GBP1: variants seen among roughly 807,000 people sequenced by gnomAD.
GBP1 encodes guanylate binding protein 1, also known as guanylate-binding protein 1.
Under a neutral mutation model 69.5 loss-of-function variants are expected in GBP1, and 64 were observed. That is an observed-to-expected ratio of 0.92 (90% CI 0.75 to 1.13). The LOEUF (loss-of-function observed/expected upper bound fraction) is 1.13, where lower values mean the gene tolerates loss of function less well. Among genes scored for constraint, GBP1 ranks in the 50% most tolerant of loss-of-function variants. The pLI, the probability that GBP1 is intolerant of heterozygous loss-of-function variation, is 0.00. For missense variants in GBP1, 630 were observed against 704.1 expected, an observed-to-expected ratio of 0.89 and a Z score of 1.19; for synonymous variants, 250 against 261.2, an observed-to-expected ratio of 0.96 and a Z score of 0.41.
chr1:89,063,206 G>C lies in GBP1; in HGVS notation c.29C>G (p.Pro10Arg). 1.2e-6 allele frequency: 2 copies of C among 1,614,036 alleles called. No homozygotes were observed. The highest frequency in any genetic ancestry group is 2.2e-5 in the South Asian group (2 of 91,080). ...ATTAGTGTTCTCAATGAGGCACATTGGGCCTGTCATGTGGATCTCTGATGC... is the reference window on the plus strand; with the variant it reads ...ATTAGTGTTCTCAATGAGGCACATTCGGCCTGTCATGTGGATCTCTGATGC... MASEIHMTG[P>R]MCLIENTNGR... Residue 10 changes from proline (P) to arginine (R), a missense_variant, in exon 2 of 11, where the codon CCA (proline) becomes CGA (arginine). Pro to Arg is a moderately radical substitution (Grantham distance 103, BLOSUM62 -2). This residue lies in a region of GBP1 where 131 missense variants were observed against 138.5 expected (regional missense o/e 0.95). Transcript: ENST00000370473.
At chr1:89,061,826 A>G (rs1383272088) in intron 2 of GBP1, among the ~76,000 whole-genome samples, 1 of 152,156 alleles carries the variant, frequency 6.6e-6, no homozygotes, top group African/African-American at 2.4e-5. Context: ...AAACAACCAG[A>G]TTAATAAATG....
At chr1:89,065,011 T>C (rs187435229) in intron 1 of GBP1, 149 bp downstream of exon 1, 96 of 152,328 alleles carry the variant, frequency 6.3e-4, no homozygotes, top group African/African-American at 2.2e-3. Context: ...TGCAGCCTAA[T>C]TTGGTTCTGA....
In GBP1 at chr1:89,054,589, G is replaced by A. The variant is rs1320057772; in HGVS notation, c.1665+93C>T. 2.6e-6 allele frequency: 3 copies of A among 1,151,350 alleles called. No individual in the cohort carries two copies. The East Asian group carries it at 7.0e-5, about 27-fold the overall frequency. 71.3% of individuals were successfully genotyped at this position (1,151,350 alleles called of 1,614,324 possible). A position where few individuals can be genotyped will look rare whatever the true frequency, so the allele number is the denominator to read the frequency against. On this transcript the variant is annotated intron_variant, in intron 10 of 10. Coordinates refer to ENST00000370473, the MANE Select transcript of GBP1 (RefSeq NM_002053.3). ...TAAGCAAGCAGGGTCCTTACCCTGG[G>A]CTTCATGTTCTCTCTGCCACACTAA...
chr1:89,054,454 G>A (rs568429198), intron 10 of GBP1, among the ~76,000 whole-genome samples: 7 of 152,198 alleles, frequency 4.6e-5, no homozygotes, highest in Admixed American at 1.3e-4. Context: ...TGAAATGAAG[G>A]ATATATTGAT....
rs764674329 is a variant in GBP1 at position 89,057,008 on chromosome 1, T to C, written c.1001A>G (p.His334Arg). Residue 334 changes from histidine to arginine, a missense_variant, in exon 7 of 11, where the codon CAC becomes CGC. Physicochemically the swap from His to Arg is conservative, Grantham distance 29. Transcript: ENST00000370473. The stretch of plus-strand genomic sequence containing the variant: ...CTTCTGGCCCATCTGCTGTTCATAG[T>C]GGGCAATAGCCTTTTGCACTGCAGC... ...NSAAVQKAIA[H>R]YEQQMGQKVQ... is the part of the protein sequence containing the mutation. The C allele has an allele frequency of 8.1e-6, 13 of 1,614,128 alleles. No homozygotes were observed. The highest frequency in any genetic ancestry group is 1.1e-5 in the South Asian group (1 of 91,092).
chr1:89,064,240 T>TGTGTGTGAGAGAGA (rs1243424526), intron 1 of GBP1, among the ~76,000 whole-genome samples: 2 of 100,062 alleles, frequency 2.0e-5, no homozygotes, highest in South Asian at 3.7e-4. Context: ...TGTGTGTGTG[T>TGTGTGTGAGAGAGA]GAGAGAGAGA....
In GBP1 at chr1:89,058,012, C is replaced by A; in HGVS notation, c.854G>T (p.Gly285Val). The stretch of plus-strand genomic sequence containing the variant: ...CTTACGAGGCCCGTTGACCTGGATG[C>A]CTCCTGAAAGAGTTTTAGTTTTGGA... ...SNSKTKTLSG[G>V]IQVNGPRLES... is the part of the protein sequence containing the mutation. Residue 285 changes from glycine to valine, a missense_variant, in exon 6 of 11, where the codon GGC (glycine) becomes GTC (valine). By Grantham distance (109) the Gly-to-Val change is moderately radical. Transcript: ENST00000370473. 1 of 1,612,758 alleles carries A rather than the reference C, an allele frequency of 6.2e-7. No individual in the cohort carries two copies. Among genetic ancestry groups the A allele is most frequent in the Non-Finnish European group, 8.5e-7 (1 of 1,179,562 alleles).
Position 89,056,013 on chromosome 1 carries a change from T to A in GBP1, c.1368+3A>T, listed in dbSNP as rs763991382. On this transcript the variant is annotated splice_donor_region_variant and intron_variant, in intron 8 of 10. Transcript: ENST00000370473. The stretch of plus-strand genomic sequence containing the variant: ...CCATAATTGACAGATAAATCTTGGT[T>A]ACCTGTATCCCCTTCCTCGGTTCCT... The A allele has an allele frequency of 6.2e-7, 1 of 1,613,868 alleles. No homozygotes were observed. The highest frequency in any genetic ancestry group is 1.3e-5 in the African/African-American group (1 of 74,920).
At position 89,053,400 on chromosome 1, in the gene GBP1, A is replaced by T. The variant is rs762080002; in HGVS notation, c.1734T>A (p.Asp578Glu). 6.2e-7 allele frequency: 1 copy of T among 1,613,326 alleles called. No homozygotes were observed. The highest frequency in any genetic ancestry group is 1.3e-5 in the African/African-American group (1 of 74,778). ...TTCGTCGTCTCATTTTCGTCTGGAG[A>T]TCCTGTATCTCATTTTTCATTATTC... is the stretch of plus-strand genomic sequence containing the variant. Reference protein sequence around the residue: ...ESRIMKNEIQDLQTKMRRRKA... With the variant: ...ESRIMKNEIQELQTKMRRRKA... The change falls in exon 11 of 11, where the codon GAT becomes GAA. Residue 578 changes from aspartate to glutamate, a missense_variant. This residue lies in a region of GBP1 where 71 missense variants were observed against 72.7 expected (regional missense o/e 0.98). Transcript: ENST00000370473.
chr1:89,056,720 A>T lies in GBP1; in HGVS notation c.1155+134T>A, dbSNP rs1311450010. ...ACAGTTGGTCCTTCTGACTGATGTG[A>T]TCACAAATCTGTTGTTTTCACCATT... On this transcript the variant is annotated intron_variant, in intron 7 of 10. Coordinates refer to ENST00000370473, the MANE Select transcript of GBP1 (RefSeq NM_002053.3). 6 of 1,053,750 alleles carry T rather than the reference A, an allele frequency of 5.7e-6. No homozygotes were observed. The Admixed American group carries it at 1.4e-4, about 24-fold the overall frequency. The allele number at this position is 1,053,750 out of a possible 1,614,324, so 65.3% of individuals were successfully genotyped here.
In GBP1 at chr1:89,054,730, C is replaced by T. The variant is rs1004963066; in HGVS notation, c.1617G>A (p.Arg539=). Residue 539 remains arginine, a synonymous_variant, in exon 10 of 11, where the codon AGG becomes AGA. Coordinates refer to ENST00000370473, the MANE Select transcript of GBP1 (RefSeq NM_002053.3). ...TCTCTTGCTCTTTCAGCAACTGGAC[C>T]CTGTCGTTCTCCATCTTCTCAGTCA... is the stretch of plus-strand genomic sequence containing the variant. ...KQLTEKMEND[R]VQLLKEQERT... 1.7e-5 allele frequency: 28 copies of T among 1,614,056 alleles called. No homozygotes were observed. The highest frequency in any genetic ancestry group is 3.3e-5 in the Admixed American group (2 of 60,000).
chr1:89,055,674 C>T, intron 8 of GBP1: 1 of 398,738 alleles, frequency 2.5e-6, no homozygotes, highest in East Asian at 5.7e-5. Flanking sequence ...CCTGTAAAGC[C>T]AGTTTGCAGC....
rs111556211 is a variant in GBP1, at chr1:89,054,149, G to A, written c.1665+533C>T. Among the ~76,000 whole-genome samples, 703 of 151,970 alleles carry A rather than the reference G, an allele frequency of 4.6e-3. 3 individuals are homozygous for A. Among genetic ancestry groups the A allele is most frequent in the African/African-American group, 0.016 (678 of 41,438 alleles). ...GAGTCTCGCTCTGTTGCCCAGGCTG[G>A]AGTGCAGTGGTGCGATCTCAGCTCA... On this transcript the variant is annotated intron_variant, in intron 10 of 10. Transcript: ENST00000370473.
In GBP1 at chr1:89,059,358, A is replaced by G. The variant is rs1680124538; in HGVS notation, c.387T>C (p.Asn129=). Reference sequence around the variant, plus strand: ...CCTGCTGGTTGATGGTTCCTATGCTATTGTACACGAAGGTGCTGCTCAGGA... The same window carrying G: ...CCTGCTGGTTGATGGTTCCTATGCTGTTGTACACGAAGGTGCTGCTCAGGA... ...AVLLSSTFVY[N]SIGTINQQAM... Residue 129 remains asparagine (N), a synonymous_variant, in exon 4 of 11, where the codon AAT becomes AAC. Coordinates refer to ENST00000370473, the MANE Select transcript of GBP1 (RefSeq NM_002053.3). 1 of 1,614,040 alleles carries G rather than the reference A, an allele frequency of 6.2e-7. No individual in the cohort carries two copies. The highest frequency in any genetic ancestry group is 8.5e-7 in the Non-Finnish European group (1 of 1,179,994).
At chr1:89,064,633 G>A (rs1680290459) in intron 1 of GBP1, among the ~76,000 whole-genome samples, 1 of 152,130 alleles carries the variant, frequency 6.6e-6, no homozygotes, top group Admixed American at 6.5e-5. Context: ...CTGTTTTCAT[G>A]AATCTTCATC....
chr1:89,064,236 T>TGAGA (rs1373945831), intron 1 of GBP1, among the ~76,000 whole-genome samples: 40 of 117,400 alleles, frequency 3.4e-4, no homozygotes, highest in African/African-American at 1.1e-3. Flanking sequence ...TGTGTGTGTG[T>TGAGA]GTGTGAGAGA....
rs146553549 is a variant in GBP1 at position 89,053,322 on chromosome 1, C to T, written c.*33G>A. 9.0e-4 allele frequency: 1,377 copies of T among 1,527,830 alleles called. 18 individuals are homozygous for T. The African/African-American group carries it at 0.017, about 19-fold the overall frequency. The allele number at this position is 1,527,830 out of a possible 1,614,324, so 94.6% of individuals were successfully genotyped here. A position where few individuals can be genotyped will look rare whatever the true frequency, so the allele number is the denominator to read the frequency against. Reference sequence around the variant, plus strand: ...AAATTCTAAAATTGTTTCAATTATGCCTTGGTTAGGGGTGACAGGAAGGCT... The same window carrying T: ...AAATTCTAAAATTGTTTCAATTATGTCTTGGTTAGGGGTGACAGGAAGGCT... On this transcript the variant is annotated 3_prime_UTR_variant, in exon 11 of 11. Transcript: ENST00000370473.
In GBP1 at chr1:89,053,471, A is replaced by G; in HGVS notation, c.1666-3T>C. ...TCTTTTAGTAGTTGCTCCTGTTCCT[A>G]AAAAGGGACAAACGAAGGCTGAGTA... On this transcript the variant is annotated splice_region_variant and splice_polypyrimidine_tract_variant and intron_variant, in intron 10 of 10. Transcript: ENST00000370473. The G allele has an allele frequency of 6.2e-7, 1 of 1,612,046 alleles. No homozygotes were observed. Among genetic ancestry groups the G allele is most frequent in the Non-Finnish European group, 8.5e-7 (1 of 1,179,376 alleles).
chr1:89,064,358 A>T (rs1350538154), intron 1 of GBP1, among the ~76,000 whole-genome samples: 2 of 152,138 alleles, frequency 1.3e-5, no homozygotes, highest in Non-Finnish European at 2.9e-5. Context: ...GCAGGATCAA[A>T]GTAGTCTGAG....
Sources: gnomAD v4.1 joint callset for allele counts (sites outside exome capture counted in the v4.1 genomes callset) on GRCh38, gnomAD v4.1.1 for gene constraint, gnomAD v4.1.1 regional missense constraint, MANE v1.5 for transcripts, NCBI Gene and HGNC (gene_info 2026-07-23, HGNC 2026-07-21) for gene names.